Variants in NUDT3 observed in about 807,000 individuals in gnomAD.
NUDT3 encodes the protein nudix hydrolase 3.
Under a neutral mutation model 23.6 loss-of-function variants are expected in NUDT3, and 9 were observed. The ratio of observed to expected loss-of-function variants is 0.38; its 90% CI spans 0.23 to 0.66. NUDT3 has a LOEUF of 0.66. Ranked by LOEUF, NUDT3 falls within the 30% of genes least tolerant of loss-of-function variation. The probability of loss-of-function intolerance (pLI) is 0.52; values close to 1 mark genes in which losing one functional copy is unlikely to be tolerated. For missense variants in NUDT3, 172 were observed against 218.5 expected (o/e 0.79, Z 1.34); for synonymous variants, 86 against 82.6 (o/e 1.04, Z -0.22).
At chr6:34,299,412 A>G (rs1179756672) in intron 2 of NUDT3, among the ~76,000 whole-genome samples, 1 of 152,072 alleles carries the variant, frequency 6.6e-6, no homozygotes, top group African/African-American at 2.4e-5. Flanking sequence ...TAACAAAAAT[A>G]ATCTGAACAA....
At chr6:34,333,175 G>T (rs1764155823) in intron 2 of NUDT3, among the ~76,000 whole-genome samples, 1 of 152,180 alleles carries the variant, frequency 6.6e-6, no homozygotes, top group Admixed American at 6.5e-5. Context: ...CTAAAAAAAG[G>T]AAGCTAATTT....
At chr6:34,366,752 CAGTT>C (rs1764741743) in intron 1 of NUDT3, among the ~76,000 whole-genome samples, 1 of 151,912 alleles carries the variant, frequency 6.6e-6, no homozygotes, top group Non-Finnish European at 1.5e-5. Context: ...TACAGAGTAT[CAGTT>C]AGTGAAGATG....
At position 34,288,118 on chromosome 6, in the gene NUDT3, C is replaced by T. The variant is rs1008515905; in HGVS notation, c.*635G>A. On this transcript the variant is annotated 3_prime_UTR_variant, in exon 5 of 5. Transcript: ENST00000607016. The stretch of plus-strand genomic sequence containing the variant: ...GAAAGGACAGGGCAACCTGCCCAGC[C>T]ACTAGCATCGAAAACAAAAAGGTAT... The T allele has an allele frequency of 4.6e-5, 7 of 152,142 alleles. No homozygotes were observed. Among genetic ancestry groups the T allele is most frequent in the Non-Finnish European group, 7.4e-5 (5 of 68,022 alleles). The allele number at this position is 152,142 out of a possible 1,614,324, so 9.4% of individuals were successfully genotyped here.
At chr6:34,347,977 A>AAAATAAATAAAT (rs140070236) in intron 1 of NUDT3, among the ~76,000 whole-genome samples, 11 of 151,410 alleles carry the variant, frequency 7.3e-5, no homozygotes, top group African/African-American at 2.4e-4. Flanking sequence ...GTCTACCAAA[A>AAAATAAATAAAT]AAATAAATAA....
intron 2 of NUDT3, among the ~76,000 whole-genome samples, chr6:34,334,689 CCAGCA>C (rs907855177): frequency 1.3e-5 from 2 of 151,814 alleles, no homozygotes; most frequent in African/African-American, 4.8e-5. Flanking sequence ...ACCTGTAATC[CCAGCA>C]CTTTGGGAAG....
chr6:34,308,460 CAAAAAAAAAA>C (rs1183799403), intron 2 of NUDT3, among the ~76,000 whole-genome samples: 1 of 81,960 alleles, frequency 1.2e-5, no homozygotes. Flanking sequence ...GATCGTCTCT[CAAAAAAAAAA>C]AAAAAAAATA....
chr6:34,305,125 G>C (rs1243210733), intron 2 of NUDT3, among the ~76,000 whole-genome samples: 1 of 150,736 alleles, frequency 6.6e-6, no homozygotes, highest in Non-Finnish European at 1.5e-5. Flanking sequence ...TGGGACTACA[G>C]GCACGTGCCA....
At chr6:34,382,989 C>T (rs1227893390) in intron 1 of NUDT3, among the ~76,000 whole-genome samples, 1 of 150,918 alleles carries the variant, frequency 6.6e-6, no homozygotes, top group Non-Finnish European at 1.5e-5. Flanking sequence ...TAGCTGGGTG[C>T]GGTGGCAGGC....
At chr6:34,322,572 A>T (rs1763961927) in intron 2 of NUDT3, among the ~76,000 whole-genome samples, 1 of 152,150 alleles carries the variant, frequency 6.6e-6, no homozygotes, top group Non-Finnish European at 1.5e-5. Flanking sequence ...GGACAGGCAT[A>T]TGGGAAGAAT....
chr6:34,332,493 C>T (rs1474978211), intron 2 of NUDT3, among the ~76,000 whole-genome samples: 2 of 152,054 alleles, frequency 1.3e-5, no homozygotes, highest in African/African-American at 2.4e-5. Context: ...AAGGCAGGCA[C>T]ACTCAGTATA....
chr6:34,354,798 A>G (rs1338182166), intron 1 of NUDT3, among the ~76,000 whole-genome samples: 1 of 147,626 alleles, frequency 6.8e-6, no homozygotes, highest in Non-Finnish European at 1.5e-5. Flanking sequence ...TATACTTTAT[A>G]TTTTATATTT....
At chr6:34,319,260 C>T (rs989713305) in intron 2 of NUDT3, among the ~76,000 whole-genome samples, 2 of 152,140 alleles carry the variant, frequency 1.3e-5, no homozygotes, top group African/African-American at 4.8e-5. Flanking sequence ...TACCGGAAGA[C>T]AGCCCCAGAA....
At position 34,287,460 on chromosome 6, in the gene NUDT3, G is replaced by A. The variant is rs1763350587; in HGVS notation, c.*1293C>T. On this transcript the variant is annotated 3_prime_UTR_variant, in exon 5 of 5. Transcript: ENST00000607016. The stretch of plus-strand genomic sequence containing the variant: ...TGAGCCAGTGTATTATGTAACCACT[G>A]TAATAAGTGATTACGTGGCCTCCCA... The A allele has an allele frequency of 6.6e-6, 1 of 152,206 alleles. No homozygotes were observed. Among genetic ancestry groups the A allele is most frequent in the Non-Finnish European group, 1.5e-5 (1 of 68,040 alleles). 9.4% of individuals were successfully genotyped at this position (152,206 alleles called of 1,614,324 possible).
chr6:34,378,216 G>C lies in NUDT3; in HGVS notation c.99+14048C>G, dbSNP rs114195653. Among the ~76,000 whole-genome samples the C allele has an allele frequency of 9.2e-3, 1,390 of 151,870 alleles. 14 individuals are homozygous for C. Among genetic ancestry groups the C allele is most frequent in the Middle Eastern group, 0.024 (7 of 292 alleles). On this transcript the variant is annotated intron_variant, in intron 1 of 4. Coordinates refer to ENST00000607016, the MANE Select transcript of NUDT3 (RefSeq NM_006703.4). ...TACTTGGGAAGCTGAGGTGGGAGAAGTGCTTGCGCCCAGGAGGATGAGGCT... is the reference window on the plus strand; with the variant it reads ...TACTTGGGAAGCTGAGGTGGGAGAACTGCTTGCGCCCAGGAGGATGAGGCT...
chr6:34,377,845 A>G (rs1764950084), intron 1 of NUDT3, among the ~76,000 whole-genome samples: 1 of 151,808 alleles, frequency 6.6e-6, no homozygotes, highest in Admixed American at 6.6e-5. Context: ...AAAAAAAAAA[A>G]AAAGTGTGGA....
At chr6:34,329,325 G>A (rs1764090894) in intron 2 of NUDT3, among the ~76,000 whole-genome samples, 1 of 152,102 alleles carries the variant, frequency 6.6e-6, no homozygotes, top group South Asian at 2.1e-4. Flanking sequence ...TTATCCCCCA[G>A]GCTGGGGTGC....
At chr6:34,380,160 T>C (rs1764989894) in intron 1 of NUDT3, among the ~76,000 whole-genome samples, 2 of 152,284 alleles carry the variant, frequency 1.3e-5, no homozygotes, top group Admixed American at 1.3e-4. Context: ...CTCGGCTCAC[T>C]GCAACTTCCA....
intron 2 of NUDT3, among the ~76,000 whole-genome samples, chr6:34,321,494 A>G (rs1763941893): frequency 6.6e-6 from 1 of 152,134 alleles, no homozygotes; most frequent in South Asian, 2.1e-4. Flanking sequence ...TTCATCATTA[A>G]TAGAATTAGT....
chr6:34,312,153 G>A (rs1763783028), intron 2 of NUDT3, among the ~76,000 whole-genome samples: 1 of 152,144 alleles, frequency 6.6e-6, no homozygotes, highest in Non-Finnish European at 1.5e-5. Flanking sequence ...TGTAATCCCA[G>A]TACTTTGGGA....
Sources: gnomAD v4.1 joint callset for allele counts (sites outside exome capture counted in the v4.1 genomes callset) on GRCh38, gnomAD v4.1.1 for gene constraint, MANE v1.5 for transcripts, NCBI Gene and HGNC (gene_info 2026-07-23, HGNC 2026-07-21) for gene names.